The following EDN3 variants were observed in gnomAD, a reference collection of about 807,000 sequenced individuals.
EDN3 encodes endothelin 3, also known as endothelin-3.
Under a neutral mutation model 21.4 loss-of-function variants are expected in EDN3, and 9 were observed. That is an observed-to-expected ratio of 0.42 (90% CI 0.25 to 0.73). The LOEUF (loss-of-function observed/expected upper bound fraction) is 0.73, where lower values mean the gene tolerates loss of function less well. EDN3 is among the 30% of genes least tolerant of loss of function. EDN3 has a pLI of 0.26. For synonymous variants in EDN3, 133 were observed against 126.2 expected, an observed-to-expected ratio of 1.05 and a Z score of -0.36; for missense variants, 327 against 309.4, an observed-to-expected ratio of 1.06 and a Z score of -0.43.
intron 2 of EDN3, among the ~76,000 whole-genome samples, chr20:59,307,068 C>G (rs1387522123): frequency 6.6e-6 from 1 of 152,158 alleles, no homozygotes; most frequent in Non-Finnish European, 1.5e-5. Flanking sequence ...TCACTTGAAC[C>G]CAGGAGGTGG....
chr20:59,323,649 C>G (rs987275290), intron 4 of EDN3: 3 of 399,836 alleles, frequency 7.5e-6, no homozygotes, highest in African/African-American at 2.1e-5. Context: ...TTGACGTGGC[C>G]TCATCTTTCT....
chr20:59,311,499 G>A (rs184555439), intron 2 of EDN3, among the ~76,000 whole-genome samples: 286 of 152,134 alleles, frequency 1.9e-3, no homozygotes, highest in Non-Finnish European at 3.3e-3. Flanking sequence ...GACCATATAG[G>A]GTGACTTCCT....
At chr20:59,304,857 T>C (rs1015846683) in intron 2 of EDN3, among the ~76,000 whole-genome samples, 1 of 152,154 alleles carries the variant, frequency 6.6e-6, no homozygotes, top group African/African-American at 2.4e-5. Context: ...GGTCGGCCCT[T>C]TCTGTTAGCA....
intron 2 of EDN3, among the ~76,000 whole-genome samples, chr20:59,303,595 A>T (rs1280531668): frequency 6.6e-6 from 1 of 152,202 alleles, no homozygotes; most frequent in East Asian, 1.9e-4. Flanking sequence ...CATCTCTTTC[A>T]TTCGTTGCCT....
chr20:59,300,846 A>C lies in EDN3; in HGVS notation c.34A>C (p.Thr12Pro). The C allele has an allele frequency of 6.2e-7, 1 of 1,611,396 alleles. No individual in the cohort carries two copies. Among genetic ancestry groups the C allele is most frequent in the Non-Finnish European group, 8.5e-7 (1 of 1,179,630 alleles). The stretch of plus-strand genomic sequence containing the variant: ...GGGGCTGTGGCTCCTTTTCGGGCTC[A>C]CAGTGACCTCCGCCGCAGGTAAGCG... The part of the protein sequence containing the change: ...EPGLWLLFGL[T>P]VTSAAGFVPC... The change falls in exon 1 of 5, where the codon ACA becomes CCA. Residue 12 changes from threonine to proline, a missense_variant. By Grantham distance (38) the Thr-to-Pro change is conservative. Transcript: ENST00000337938.
intron 2 of EDN3, among the ~76,000 whole-genome samples, chr20:59,311,705 G>A (rs1292528283): frequency 6.6e-6 from 1 of 151,462 alleles, no homozygotes; most frequent in African/African-American, 2.4e-5. Flanking sequence ...GTCTTTGTGA[G>A]CAATGTCTTG....
chr20:59,322,532 A>G lies in EDN3; in HGVS notation c.588+115A>G. ...ATGGCATCTGGTCTGGTCCAGTGGG[A>G]ACCCCAGATCTCATGGGATGCTGCA... On this transcript the variant is annotated intron_variant, in intron 4 of 4. Transcript: ENST00000337938. This position sits in a 1 kb window ranked among gnomAD's most constrained non-coding sequence, Gnocchi z 4.1. 5.7e-6 allele frequency: 8 copies of G among 1,396,478 alleles called. No individual in the cohort carries two copies. The highest frequency in any genetic ancestry group is 1.8e-5 in the Admixed American group (1 of 55,370). The allele number at this position is 1,396,478 out of a possible 1,614,324, so 86.5% of individuals were successfully genotyped here.
At position 59,322,269 on chromosome 20, in the gene EDN3, T is replaced by C; in HGVS notation, c.543-103T>C. 7.7e-7 allele frequency: 1 copy of C among 1,291,634 alleles called. No individual in the cohort carries two copies. The highest frequency in any genetic ancestry group is 1.1e-6 in the Non-Finnish European group (1 of 890,276). 80.0% of individuals were successfully genotyped at this position (1,291,634 alleles called of 1,614,324 possible). A position where few individuals can be genotyped will look rare whatever the true frequency, so the allele number is the denominator to read the frequency against. On this transcript the variant is annotated intron_variant, in intron 3 of 4. Transcript: ENST00000337938. The surrounding 1 kb of genome is among the most constrained non-coding windows in gnomAD (Gnocchi z 4.1). ...GAGACGCAGTCCTTGGGGAACGCAC[T>C]AATGTGCTCATTGGTGGGGAAGAGG...
At chr20:59,307,224 G>A (rs937281798) in intron 2 of EDN3, among the ~76,000 whole-genome samples, 1 of 152,188 alleles carries the variant, frequency 6.6e-6, no homozygotes, top group Admixed American at 6.5e-5. Flanking sequence ...GAGGCAGAGG[G>A]CCAGTCTTTC....
chr20:59,308,703 C>T (rs1989592993), intron 2 of EDN3, among the ~76,000 whole-genome samples: 1 of 152,256 alleles, frequency 6.6e-6, no homozygotes. Context: ...CACTCAACGT[C>T]TTGAAGATGG....
intron 2 of EDN3, among the ~76,000 whole-genome samples, chr20:59,318,670 A>T (rs1990342936): frequency 6.6e-6 from 1 of 152,268 alleles, no homozygotes; most frequent in African/African-American, 2.4e-5. Flanking sequence ...CTAAACTGCC[A>T]GAGCCTGTTT....
intron 2 of EDN3, among the ~76,000 whole-genome samples, chr20:59,312,974 T>G (rs1989930833): frequency 6.6e-6 from 1 of 152,184 alleles, no homozygotes; most frequent in Non-Finnish European, 1.5e-5. Context: ...GCAGCCTAGT[T>G]TGTCCACCAA....
rs367844149 is a variant in EDN3, at chr20:59,323,913, G to A, written c.589-418G>A. 3.9e-5 allele frequency among the ~76,000 whole-genome samples: 6 copies of A among 152,326 alleles called. No individual in the cohort carries two copies. In the East Asian group the frequency reaches 9.6e-4, roughly 24 times the overall value. On this transcript the variant is annotated intron_variant, in intron 4 of 4. Transcript: ENST00000337938. ...GGGCCTGGAAAAGTGGTTCTTCCAG[G>A]TCTCTATGAGTCATGTAAAGCTCTA...
intron 1 of EDN3, 104 bp from the exon 2 acceptor site, chr20:59,301,306 C>T (rs1988995112): frequency 5.1e-6 from 7 of 1,362,878 alleles, no homozygotes; most frequent in Middle Eastern, 2.5e-4. Context: ...GGAAACTTTG[C>T]AGACATTTTG....
At chr20:59,321,568 C>G (rs1217392354) in intron 3 of EDN3, among the ~76,000 whole-genome samples, 1 of 152,140 alleles carries the variant, frequency 6.6e-6, no homozygotes, top group Non-Finnish European at 1.5e-5. Flanking sequence ...TTAGCCTTCT[C>G]GAAAATAGCC....
chr20:59,312,207 C>T (rs1254681625), intron 2 of EDN3, among the ~76,000 whole-genome samples: 1 of 152,120 alleles, frequency 6.6e-6, no homozygotes, highest in Non-Finnish European at 1.5e-5. Context: ...TGCCTACATT[C>T]GGCCTGGAAT....
At position 59,322,318 on chromosome 20, in the gene EDN3, A is replaced by G. The variant is rs941560364; in HGVS notation, c.543-54A>G. On this transcript the variant is annotated intron_variant, in intron 3 of 4. Coordinates refer to ENST00000337938, the MANE Select transcript of EDN3 (RefSeq NM_207034.3). This position sits in a 1 kb window ranked among gnomAD's most constrained non-coding sequence, Gnocchi z 4.1. ...GGAAGTCATAATTTGACACCGAAAA[A>G]CCAGCCACAGGGAAAGGCAGGTTGA... The G allele has an allele frequency of 1.9e-6, 3 of 1,608,912 alleles. No homozygotes were observed. Among genetic ancestry groups the G allele is most frequent in the Admixed American group, 1.7e-5 (1 of 59,986 alleles).
rs197188 is a variant in EDN3, at chr20:59,308,518, C to A, written c.365+6796C>A. ...GGGTTAAGAGCTCAAACTGTGGGCT[C>A]GAATGCCTGGGCTGAAATCTGGATC... On this transcript the variant is annotated intron_variant, in intron 2 of 4. Coordinates refer to ENST00000337938, the MANE Select transcript of EDN3 (RefSeq NM_207034.3). 1.0e-2 allele frequency among the ~76,000 whole-genome samples: 1,521 copies of A among 152,222 alleles called. 18 individuals are homozygous for A. Among genetic ancestry groups the A allele is most frequent in the Non-Finnish European group, 0.017 (1,143 of 68,020 alleles).
At position 59,300,988 on chromosome 20, in the gene EDN3, TC is replaced by T. The variant is rs575858813; in HGVS notation, c.52+125del. Reference sequence around the variant, plus strand: ...GCAAACTCTTGCCTGGGCTCTGCACTCGTGAAGACGCCTGGGGGAGGGCTGG... The same window carrying T: ...GCAAACTCTTGCCTGGGCTCTGCACTGTGAAGACGCCTGGGGGAGGGCTGG... On this transcript the variant is annotated intron_variant, in intron 1 of 4. Transcript: ENST00000337938. The T allele has an allele frequency of 2.6e-6, 3 of 1,165,862 alleles. No homozygotes were observed. In the East Asian group the frequency reaches 7.7e-5, roughly 30 times the overall value. The allele number at this position is 1,165,862 out of a possible 1,614,324, so 72.2% of individuals were successfully genotyped here.
Sources: allele counts gnomAD v4.1 joint callset (sites outside exome capture counted in the v4.1 genomes callset), GRCh38; gene constraint gnomAD v4.1.1; non-coding constraint Gnocchi (gnomAD v3.1); transcripts MANE v1.5; gene names NCBI Gene and HGNC (gene_info 2026-07-23, HGNC 2026-07-21).